The following ADAM21 variants were observed in gnomAD, a reference collection of about 807,000 sequenced individuals.
ADAM21 encodes ADAM metallopeptidase domain 21, also known as disintegrin and metalloproteinase domain-containing protein 21.
For missense variants in ADAM21, 678 were observed against 874.4 expected, an observed-to-expected ratio of 0.78 and a Z score of 2.83; for synonymous variants, 262 against 306.0, an observed-to-expected ratio of 0.86 and a Z score of 1.50.
intron 1 of ADAM21, among the ~76,000 whole-genome samples, chr14:70,454,393 C>A (rs1336235938): frequency 6.6e-6 from 1 of 152,080 alleles, no homozygotes; most frequent in Non-Finnish European, 1.5e-5. Flanking sequence ...TGCCCACCCC[C>A]CATTCCCCGA....
intron 1 of ADAM21, 72 bp from the exon 2 acceptor site, chr14:70,457,277 T>C (rs146582433): frequency 5.8e-4 from 321 of 556,100 alleles, no homozygotes; most frequent in African/African-American, 4.7e-3. Flanking sequence ...AGTTTTTCAC[T>C]ACTTCATTCT....
At position 70,459,789 on chromosome 14, in the gene ADAM21, C is replaced by T. The variant is rs1236229706; in HGVS notation, c.*121C>T. The T allele has an allele frequency of 8.3e-7, 1 of 1,209,756 alleles. No individual in the cohort carries two copies. Among genetic ancestry groups the T allele is most frequent in the Non-Finnish European group, 1.2e-6 (1 of 866,558 alleles). 74.9% of individuals were successfully genotyped at this position (1,209,756 alleles called of 1,614,324 possible). A position where few individuals can be genotyped will look rare whatever the true frequency, so the allele number is the denominator to read the frequency against. ...ACCATTTCCAGAAAGCTGCAAAGATCTTCCCTTACATTAGTACCACAAACA... is the reference window on the plus strand; with the variant it reads ...ACCATTTCCAGAAAGCTGCAAAGATTTTCCCTTACATTAGTACCACAAACA... On this transcript the variant is annotated 3_prime_UTR_variant, in exon 2 of 2. Transcript: ENST00000603540.
rs1176412910 is a variant in ADAM21, at chr14:70,458,874, C to A, written c.1375C>A (p.Pro459Thr). 1 of 1,614,018 alleles carries A rather than the reference C, an allele frequency of 6.2e-7. No homozygotes were observed. The highest frequency in any genetic ancestry group is 8.5e-7 in the Non-Finnish European group (1 of 1,180,020). ...TTGTTGCAAAGACTGCAAGTTCATG[C>A]CATCAGGGGAACTCTGTAGACAAGA... ...GLCCKDCKFM[P>T]SGELCRQEVN... The change falls in exon 2 of 2, where the codon CCA (proline) becomes ACA (threonine). Residue 459 changes from proline (P) to threonine (T), a missense_variant. Physicochemically the swap from Pro to Thr is conservative, Grantham distance 38. Coordinates refer to ENST00000603540, the MANE Select transcript of ADAM21 (RefSeq NM_003813.4).
In ADAM21 at chr14:70,457,782, G is replaced by T. The variant is rs766690661; in HGVS notation, c.283G>T (p.Asp95Tyr). The change falls in exon 2 of 2, where the codon GAC becomes TAC. Residue 95 changes from aspartate (D) to tyrosine (Y), a missense_variant. Asp to Tyr is a radical substitution (Grantham distance 160, BLOSUM62 -3). Transcript: ENST00000603540. The part of the protein sequence containing the change: ...RHLPVFTYTD[D>Y]RALLEDQLFI... ...CCTCCCAGTGTTCACCTACACAGATGACCGTGCACTCCTGGAGGATCAGCT... is the reference window on the plus strand; with the variant it reads ...CCTCCCAGTGTTCACCTACACAGATTACCGTGCACTCCTGGAGGATCAGCT... 1.5e-5 allele frequency: 25 copies of T among 1,612,974 alleles called. No individual in the cohort carries two copies. The highest frequency in any genetic ancestry group is 2.1e-5 in the Non-Finnish European group (25 of 1,179,416).
At chr14:70,455,613 C>T (rs190398738) in intron 1 of ADAM21, among the ~76,000 whole-genome samples, 1 of 152,108 alleles carries the variant, frequency 6.6e-6, no homozygotes, top group Non-Finnish European at 1.5e-5. Flanking sequence ...TTTATGATAC[C>T]TTTTCCCTAT....
At position 70,459,312 on chromosome 14, in the gene ADAM21, G is replaced by A. The variant is rs1882486595; in HGVS notation, c.1813G>A (p.Gly605Ser). The A allele has an allele frequency of 6.8e-6, 11 of 1,614,066 alleles. No individual in the cohort carries two copies. The South Asian group carries it at 1.2e-4, about 18-fold the overall frequency. The change falls in exon 2 of 2, where the codon GGT (glycine) becomes AGT (serine). Residue 605 changes from glycine to serine, a missense_variant. Transcript: ENST00000603540. Reference protein sequence around the residue: ...YHLRMNISDIGEVKDGTVCGP... With the variant: ...YHLRMNISDISEVKDGTVCGP... ...TTTAAGGATGAACATATCTGACATT[G>A]GTGAAGTGAAAGATGGTACTGTGTG...
rs749149579 is a variant in ADAM21 at position 70,459,710 on chromosome 14, T to C, written c.*42T>C. On this transcript the variant is annotated 3_prime_UTR_variant, in exon 2 of 2. Transcript: ENST00000603540. Reference sequence around the variant, plus strand: ...TAATATTCCATGCATTAGTACACTTTAGTCTCTTGGCAGTAGAAACATTAG... The same window carrying C: ...TAATATTCCATGCATTAGTACACTTCAGTCTCTTGGCAGTAGAAACATTAG... The C allele has an allele frequency of 9.4e-6, 15 of 1,593,810 alleles. No individual in the cohort carries two copies. Among genetic ancestry groups the C allele is most frequent in the South Asian group, 4.5e-5 (4 of 88,000 alleles).
chr14:70,457,326 C>CTTACTT (rs1882427836), intron 1 of ADAM21, 23 bp from the exon 2 acceptor site: 2 of 925,920 alleles, frequency 2.2e-6, no homozygotes, highest in African/African-American at 3.3e-5. Context: ...CTTTCCAACC[C>CTTACTT]ATCTTTTTAT....
At position 70,458,117 on chromosome 14, in the gene ADAM21, T is replaced by G. The variant is rs745770097; in HGVS notation, c.618T>G (p.His206Gln). The change falls in exon 2 of 2, where the codon CAT becomes CAG. Residue 206 changes from histidine to glutamine, a missense_variant. Physicochemically the swap from His to Gln is conservative, Grantham distance 24. Transcript: ENST00000603540. ...EPKSAGDWWT[H>Q]AWFLELVVVV... ...AATCTGCTGGTGACTGGTGGACTCATGCATGGTTTCTGGAGCTAGTTGTTG... is the reference window on the plus strand; with the variant it reads ...AATCTGCTGGTGACTGGTGGACTCAGGCATGGTTTCTGGAGCTAGTTGTTG... 6 of 1,613,992 alleles carry G rather than the reference T, an allele frequency of 3.7e-6. No individual in the cohort carries two copies. In the East Asian group the frequency reaches 1.3e-4, roughly 36 times the overall value.
intron 1 of ADAM21, among the ~76,000 whole-genome samples, chr14:70,456,767 G>A (rs1036742526): frequency 4.6e-5 from 7 of 152,088 alleles, no homozygotes; most frequent in Non-Finnish European, 7.4e-5. Flanking sequence ...TGTACATAGA[G>A]CTATATGAGG....
rs150121770 is a variant in ADAM21 at position 70,458,916 on chromosome 14, C to T, written c.1417C>T (p.Leu473Phe). The T allele has an allele frequency of 9.5e-5, 153 of 1,614,130 alleles. No individual in the cohort carries two copies. In the African/African-American group the frequency reaches 1.8e-3, roughly 19 times the overall value. ...TAGACAAGAGGTCAATGAATGTGACCTTCCAGAATGGTGCAATGGAACATC... is the reference window on the plus strand; with the variant it reads ...TAGACAAGAGGTCAATGAATGTGACTTTCCAGAATGGTGCAATGGAACATC... ...LCRQEVNECD[L>F]PEWCNGTSHQ... Residue 473 changes from leucine (L) to phenylalanine (F), a missense_variant, in exon 2 of 2, where the codon CTT becomes TTT. Transcript: ENST00000603540.
chr14:70,458,050 A>T lies in ADAM21; in HGVS notation c.551A>T (p.Gln184Leu). The change falls in exon 2 of 2, where the codon CAG (glutamine) becomes CTG (leucine). Residue 184 changes from glutamine (Q) to leucine (L), a missense_variant. Gln to Leu is a moderately radical substitution (Grantham distance 113). Transcript: ENST00000603540. ...ACAGAGAAGGAAGTAGCACGCCAAC[A>T]GTTGGAATTTGAAGAGGCTGAGAAC... ...GLTEKEVARQQLEFEEAENSA... is the reference protein window; with the variant it reads ...GLTEKEVARQLLEFEEAENSA... The T allele has an allele frequency of 6.2e-7, 1 of 1,614,098 alleles. No individual in the cohort carries two copies. Among genetic ancestry groups the T allele is most frequent in the Non-Finnish European group, 8.5e-7 (1 of 1,180,032 alleles).
At position 70,457,699 on chromosome 14, in the gene ADAM21, T is replaced by C. The variant is rs1238639134; in HGVS notation, c.200T>C (p.Phe67Ser). ...GGATGGCTCTCCTATAGTCTGCGGT[T>C]TGGGGGCCAGAAACACGTTGTTCAT... ...APGWLSYSLR[F>S]GGQKHVVHMR... The change falls in exon 2 of 2, where the codon TTT (phenylalanine) becomes TCT (serine). Residue 67 changes from phenylalanine to serine, a missense_variant. Phe to Ser is a radical substitution (Grantham distance 155). Transcript: ENST00000603540. 13 of 1,613,980 alleles carry C rather than the reference T, an allele frequency of 8.1e-6. No individual in the cohort carries two copies. Among genetic ancestry groups the C allele is most frequent in the African/African-American group, 2.7e-5 (2 of 74,990 alleles).
intron 1 of ADAM21, 136 bp from the exon 2 acceptor site, chr14:70,457,213 C>G (rs530443739): frequency 5.6e-6 from 2 of 354,930 alleles, no homozygotes; most frequent in Non-Finnish European, 1.0e-5. Flanking sequence ...CCCCCTAAAT[C>G]CCCACCCTCA....
intron 1 of ADAM21, 21 bp from the exon 2 acceptor site, chr14:70,457,328 T>A: frequency 1.0e-6 from 1 of 954,240 alleles, no homozygotes; most frequent in Non-Finnish European, 1.6e-6. Flanking sequence ...TTCCAACCCA[T>A]CTTTTTATTT....
chr14:70,458,941 C>G lies in ADAM21; in HGVS notation c.1442C>G (p.Ser481Cys). ...CDLPEWCNGT[S>C]HQCPEDRYVQ... Reference sequence around the variant, plus strand: ...CTTCCAGAATGGTGCAATGGAACATCTCATCAGTGTCCAGAAGATAGATAT... The same window carrying G: ...CTTCCAGAATGGTGCAATGGAACATGTCATCAGTGTCCAGAAGATAGATAT... Residue 481 changes from serine (S) to cysteine (C), a missense_variant, in exon 2 of 2, where the codon TCT becomes TGT. Ser to Cys is a moderately radical substitution (Grantham distance 112). Coordinates refer to ENST00000603540, the MANE Select transcript of ADAM21 (RefSeq NM_003813.4). 1 of 1,614,174 alleles carries G rather than the reference C, an allele frequency of 6.2e-7. No homozygotes were observed. Among genetic ancestry groups the G allele is most frequent in the African/African-American group, 1.3e-5 (1 of 75,036 alleles).
chr14:70,458,123 G>A lies in ADAM21; in HGVS notation c.624G>A (p.Trp208Ter). 1 of 1,614,076 alleles carries A rather than the reference G, an allele frequency of 6.2e-7. No individual in the cohort carries two copies. Among genetic ancestry groups the A allele is most frequent in the Non-Finnish European group, 8.5e-7 (1 of 1,179,992 alleles). ...KSAGDWWTHAWFLELVVVVNH... is the reference protein window; with the variant it reads ...KSAGDWWTHA ...CTGGTGACTGGTGGACTCATGCATG[G>A]TTTCTGGAGCTAGTTGTTGTGGTGA... is the stretch of plus-strand genomic sequence containing the variant. The change falls in exon 2 of 2, where the codon TGG (tryptophan) becomes TGA (stop). Residue 208 changes from tryptophan to a stop codon, truncating the protein, a stop_gained. Transcript: ENST00000603540. LOFTEE classifies it low-confidence loss of function (END_TRUNC).
At chr14:70,456,685 A>G (rs1366271535) in intron 1 of ADAM21, among the ~76,000 whole-genome samples, 4 of 152,206 alleles carry the variant, frequency 2.6e-5, no homozygotes, top group Admixed American at 2.6e-4. Flanking sequence ...CTACAATATG[A>G]ACACATTTTA....
intron 1 of ADAM21, among the ~76,000 whole-genome samples, chr14:70,454,476 TAGC>T (rs1889078840): frequency 6.6e-6 from 1 of 152,182 alleles, no homozygotes; most frequent in African/African-American, 2.4e-5. Context: ...ATGAAACTGG[TAGC>T]AGAGCTGAAT....
Sources: allele counts gnomAD v4.1 joint callset (sites outside exome capture counted in the v4.1 genomes callset), GRCh38; gene constraint gnomAD v4.1.1; transcripts MANE v1.5; gene names NCBI Gene and HGNC (gene_info 2026-07-23, HGNC 2026-07-21).